The following SPECC1 variants were observed in gnomAD, a reference collection of about 807,000 sequenced individuals.
SPECC1 encodes the protein sperm antigen with calponin homology and coiled-coil domains 1.
A neutral mutation model predicts 104.1 loss-of-function variants in SPECC1; 62 were observed. The observed-to-expected ratio is 0.60, with a 90% CI of 0.49 to 0.74. The LOEUF is 0.74. Ranked by LOEUF, SPECC1 falls within the 30% of genes least tolerant of loss-of-function variation. SPECC1 has a pLI of 0.00. For missense variants in SPECC1, 1,306 were observed against 1,310.5 expected (o/e 1.00, Z 0.05); for synonymous variants, 513 against 501.6 (o/e 1.02, Z -0.30).
rs181593138 is a variant in SPECC1, at chr17:20,215,408, C to G, written c.1863+9496C>G. On this transcript the variant is annotated intron_variant, in intron 4 of 14. Coordinates refer to ENST00000395527, the MANE Select transcript of SPECC1 (RefSeq NM_001243439.2). ...ATAATAAACAGATTAAGTCAAAAGCCAAGTAAAATGACAGACTTACACAAG... is the reference window on the plus strand; with the variant it reads ...ATAATAAACAGATTAAGTCAAAAGCGAAGTAAAATGACAGACTTACACAAG... Among the ~76,000 whole-genome samples the G allele has an allele frequency of 1.2e-3, 181 of 152,234 alleles. 1 individual carries two copies. The highest frequency in any genetic ancestry group is 3.9e-3 in the African/African-American group (160 of 41,540).
At chr17:20,201,905 A>G (rs1245009887) in intron 3 of SPECC1, among the ~76,000 whole-genome samples, 2 of 152,202 alleles carry the variant, frequency 1.3e-5, no homozygotes, top group African/African-American at 4.8e-5. Context: ...AACAGTTTGA[A>G]AAAAATTCAG....
chr17:20,290,657 G>A (rs956203735), intron 12 of SPECC1, among the ~76,000 whole-genome samples: 1 of 152,200 alleles, frequency 6.6e-6, no homozygotes, highest in East Asian at 1.9e-4. Context: ...TGGGATTACA[G>A]GCACACACCA....
At position 20,318,306 on chromosome 17, in the gene SPECC1, GA is replaced by G. The variant is rs1451367027; in HGVS notation, c.*4242del. 1.3e-5 allele frequency: 3 copies of G among 232,416 alleles called. No homozygotes were observed. Among genetic ancestry groups the G allele is most frequent in the Non-Finnish European group, 2.6e-5 (3 of 117,522 alleles). The allele number at this position is 232,416 out of a possible 1,614,324, so 14.4% of individuals were successfully genotyped here. A position where few individuals can be genotyped will look rare whatever the true frequency, so the allele number is the denominator to read the frequency against. ...TAACCCATGGCCCCCGCCCTGCGGG[GA>G]TAACATTCTCAGGAGCTTCTCTTGT... is the stretch of plus-strand genomic sequence containing the variant. On this transcript the variant is annotated 3_prime_UTR_variant, in exon 15 of 15. Transcript: ENST00000395527.
chr17:20,176,419 C>G (rs56009494), intron 3 of SPECC1, among the ~76,000 whole-genome samples: 1 of 152,160 alleles, frequency 6.6e-6, no homozygotes, highest in Non-Finnish European at 1.5e-5. Context: ...GTGTCCCTCT[C>G]CTTCTCCCAC....
At chr17:20,254,175 GTATT>G (rs2039739014) in intron 10 of SPECC1, among the ~76,000 whole-genome samples, 2 of 140,968 alleles carry the variant, frequency 1.4e-5, no homozygotes, top group African/African-American at 5.0e-5. Flanking sequence ...GTGTGTGTGT[GTATT>G]TGTTTTTTGT....
chr17:20,268,714 G>A (rs1364237218), intron 12 of SPECC1, among the ~76,000 whole-genome samples: 1 of 152,160 alleles, frequency 6.6e-6, no homozygotes, highest in East Asian at 1.9e-4. Context: ...AGTGGCACAG[G>A]TGTTGTCCTA....
intron 4 of SPECC1, among the ~76,000 whole-genome samples, chr17:20,217,708 A>G (rs2037591519): frequency 6.6e-6 from 1 of 152,222 alleles, no homozygotes; most frequent in Non-Finnish European, 1.5e-5. Flanking sequence ...AAATGATTTC[A>G]GACATCAGCC....
intron 13 of SPECC1, among the ~76,000 whole-genome samples, chr17:20,298,948 A>AGAGAGTGTATGTGTGTGTGTGTGTGT: frequency 2.0e-5 from 1 of 49,072 alleles, no homozygotes; most frequent in Non-Finnish European, 3.7e-5. Flanking sequence ...AGAGAGAGAG[A>AGAGAGTGTATGTGTGTGTGTGTGTGT]GTGTGTGTGT....
chr17:20,237,962 G>A (rs928582835), intron 7 of SPECC1: 13 of 876,344 alleles, frequency 1.5e-5, no homozygotes, highest in East Asian at 7.2e-5. Context: ...GGCTGGTCTC[G>A]AACTCCTGAC....
At chr17:20,067,761 T>C (rs2046408131) in intron 1 of SPECC1, among the ~76,000 whole-genome samples, 1 of 152,178 alleles carries the variant, frequency 6.6e-6, no homozygotes, top group Non-Finnish European at 1.5e-5. Context: ...GTGAACAATA[T>C]GGTGATTTGT....
chr17:20,015,602 T>TTTTTTTTTA (rs2044090187), intron 1 of SPECC1, among the ~76,000 whole-genome samples: 10 of 147,866 alleles, frequency 6.8e-5, no homozygotes, highest in Non-Finnish European at 1.0e-4. Context: ...TTTTTTTTTT[T>TTTTTTTTTA]GAGGTGGAGT....
intron 10 of SPECC1, among the ~76,000 whole-genome samples, chr17:20,256,341 G>A (rs1298658661): frequency 6.6e-6 from 1 of 152,156 alleles, no homozygotes; most frequent in Non-Finnish European, 1.5e-5. Context: ...GGATTACAGT[G>A]ACAATTACTT....
chr17:20,286,484 G>GCTCAGCCA (rs1317057443), intron 12 of SPECC1, among the ~76,000 whole-genome samples: 1 of 152,148 alleles, frequency 6.6e-6, no homozygotes, highest in Non-Finnish European at 1.5e-5. Context: ...TCGCGCAGCA[G>GCTCAGCCA]CTCAGCCAGA....
At chr17:20,170,396 A>G (rs148378809) in intron 3 of SPECC1, among the ~76,000 whole-genome samples, 1 of 152,358 alleles carries the variant, frequency 6.6e-6, no homozygotes, top group African/African-American at 2.4e-5. Context: ...TGGTTGGCCA[A>G]ATGTTTTATA....
In SPECC1 at chr17:20,203,569, C is replaced by T. The variant is rs73301597; in HGVS notation, c.284-764C>T. On this transcript the variant is annotated intron_variant, in intron 3 of 14. Transcript: ENST00000395527. The stretch of plus-strand genomic sequence containing the variant: ...CAAATGAGTACATCATTTCCACTTA[C>T]GGCAAAAGTGATATGTCATTGTATC... Among the ~76,000 whole-genome samples the T allele has an allele frequency of 6.2e-3, 947 of 152,302 alleles. 5 individuals carry two copies. The highest frequency in any genetic ancestry group is 0.02 in the African/African-American group (834 of 41,568).
chr17:20,315,128 G>A lies in SPECC1; in HGVS notation c.*1063G>A, dbSNP rs1023571286. On this transcript the variant is annotated 3_prime_UTR_variant, in exon 15 of 15. Transcript: ENST00000395527. ...TGAATGGCCTGTGTCTGCTTTACAG[G>A]GTTGAGCAGGCTGAGGGTGTGTGCC... is the stretch of plus-strand genomic sequence containing the variant. 34 of 233,066 alleles carry A rather than the reference G, an allele frequency of 1.5e-4. No homozygotes were observed. The highest frequency in any genetic ancestry group is 1.2e-3 in the Middle Eastern group (1 of 810). 14.4% of individuals were successfully genotyped at this position (233,066 alleles called of 1,614,324 possible). A position where few individuals can be genotyped will look rare whatever the true frequency, so the allele number is the denominator to read the frequency against.
chr17:20,114,244 T>TGCAGTGGC (rs1390105167), intron 3 of SPECC1, among the ~76,000 whole-genome samples: 2 of 152,176 alleles, frequency 1.3e-5, no homozygotes, highest in African/African-American at 4.8e-5. Flanking sequence ...CAGGCTGGAG[T>TGCAGTGGC]GCAGTGGCGC....
chr17:20,202,687 G>GT (rs2036511648), intron 3 of SPECC1, among the ~76,000 whole-genome samples: 1 of 152,030 alleles, frequency 6.6e-6, no homozygotes, highest in South Asian at 2.1e-4. Flanking sequence ...TGTGTTAACT[G>GT]TTTATGTTTT....
intron 3 of SPECC1, among the ~76,000 whole-genome samples, chr17:20,162,302 C>T (rs1489077041): frequency 1.3e-5 from 2 of 151,854 alleles, no homozygotes; most frequent in African/African-American, 4.8e-5. Context: ...CCTGCCACTG[C>T]GCCCGGCTAA....
Sources: gnomAD v4.1 joint callset for allele counts (sites outside exome capture counted in the v4.1 genomes callset) on GRCh38, gnomAD v4.1.1 for gene constraint, MANE v1.5 for transcripts, NCBI Gene and HGNC (gene_info 2026-07-23, HGNC 2026-07-21) for gene names.